NRIP1: variants seen among roughly 807,000 people sequenced by gnomAD.
NRIP1 encodes the protein nuclear receptor-interacting protein 1.
A neutral mutation model predicts 75.0 loss-of-function variants in NRIP1; 28 were observed. The observed-to-expected ratio is 0.37, with a 90% confidence interval of 0.28 to 0.51. NRIP1 has a LOEUF of 0.51. Among genes scored for constraint, NRIP1 ranks in the 20% least tolerant of loss-of-function variants. NRIP1 has a pLI of 0.92. For missense variants in NRIP1, 1,435 were observed against 1,343.7 expected (o/e 1.07, Z -1.06); for synonymous variants, 526 against 487.6 (o/e 1.08, Z -1.04).
intron 1 of NRIP1, among the ~76,000 whole-genome samples, chr21:15,054,182 T>C (rs1400602791): frequency 6.6e-6 from 1 of 152,188 alleles, no homozygotes; most frequent in Non-Finnish European, 1.5e-5. Context: ...CAACTGTTCT[T>C]GATACCCTCT....
intron 3 of NRIP1, among the ~76,000 whole-genome samples, chr21:15,001,635 C>T (rs981783202): frequency 1.3e-5 from 2 of 152,054 alleles, no homozygotes; most frequent in Admixed American, 6.6e-5. Context: ...TTATGCAAAT[C>T]AAGCTAGCAG....
chr21:15,057,039 C>A (rs1226011310), intron 1 of NRIP1, among the ~76,000 whole-genome samples: 1 of 152,164 alleles, frequency 6.6e-6, no homozygotes, highest in African/African-American at 2.4e-5. Context: ...GTCAACTACT[C>A]CTCATCTCTC....
chr21:15,063,832 A>G (rs1039456869), intron 1 of NRIP1, among the ~76,000 whole-genome samples: 3 of 152,216 alleles, frequency 2.0e-5, no homozygotes, highest in African/African-American at 7.2e-5. Flanking sequence ...TACTTCTTTT[A>G]CTACCTTCAG....
chr21:14,973,222 T>A (rs1163481480), intron 3 of NRIP1, among the ~76,000 whole-genome samples: 2 of 148,600 alleles, frequency 1.3e-5, no homozygotes, highest in Admixed American at 1.3e-4. Context: ...TTATGGCGGA[T>A]GAGAAGAACC....
chr21:15,028,996 C>A (rs535934945), intron 2 of NRIP1, among the ~76,000 whole-genome samples: 46 of 152,118 alleles, frequency 3.0e-4, no homozygotes, highest in African/African-American at 1.0e-3. Flanking sequence ...ATCCGAGATG[C>A]CTCTCTTCCT....
intron 2 of NRIP1, among the ~76,000 whole-genome samples, chr21:15,023,160 T>C (rs1033267387): frequency 6.6e-6 from 1 of 152,208 alleles, no homozygotes; most frequent in Admixed American, 6.5e-5. Flanking sequence ...GTTACACACC[T>C]ATGTGAACAT....
At chr21:15,011,738 T>C (rs2088109483) in intron 3 of NRIP1, among the ~76,000 whole-genome samples, 1 of 152,164 alleles carries the variant, frequency 6.6e-6, no homozygotes, top group Non-Finnish European at 1.5e-5. Context: ...CCGAAAATAT[T>C]CTCTGTTTTT....
At chr21:14,978,676 A>C (rs998020036) in intron 3 of NRIP1, among the ~76,000 whole-genome samples, 1 of 152,194 alleles carries the variant, frequency 6.6e-6, no homozygotes, top group African/African-American at 2.4e-5. Flanking sequence ...GGCAAAATAA[A>C]GAAGGGCTTC....
Position 14,964,765 on chromosome 21 carries a change from ACTT to A in NRIP1, c.3425_3427del (p.Glu1142del). The A allele has an allele frequency of 1.9e-6, 3 of 1,583,280 alleles. No individual in the cohort carries two copies. The highest frequency in any genetic ancestry group is 1.4e-5 in the African/African-American group (1 of 73,040). On this transcript the variant is annotated inframe_deletion, in exon 4 of 4. Coordinates refer to ENST00000318948, the MANE Select transcript of NRIP1 (RefSeq NM_003489.4). ...TAGCACGCTTCCCAGAAGTCCATAA[ACTT>A]CTCCATTTGCGCTGTGTGGGCGAGA...
intron 1 of NRIP1, among the ~76,000 whole-genome samples, chr21:15,046,120 A>G (rs1426869062): frequency 6.6e-6 from 1 of 152,164 alleles, no homozygotes; most frequent in Non-Finnish European, 1.5e-5. Flanking sequence ...AATGTTCTCA[A>G]TGGCATCTAG....
chr21:15,059,715 T>C (rs2089382929), intron 1 of NRIP1, among the ~76,000 whole-genome samples: 1 of 152,150 alleles, frequency 6.6e-6, no homozygotes, highest in Admixed American at 6.6e-5. Flanking sequence ...GAACAATCTA[T>C]CTTAAAACTG....
chr21:15,020,563 A>C (rs1351744071), intron 2 of NRIP1, among the ~76,000 whole-genome samples: 2 of 152,204 alleles, frequency 1.3e-5, no homozygotes, highest in Non-Finnish European at 2.9e-5. Flanking sequence ...ACAAAAGCAC[A>C]ATCCATTTAA....
rs2086947278 is a variant in NRIP1 at position 14,973,050 on chromosome 21, T to A, written c.-334-4524A>T. Among the ~76,000 whole-genome samples, 8 of 152,360 alleles carry A rather than the reference T, an allele frequency of 5.3e-5. No individual in the cohort carries two copies. The South Asian group carries it at 1.7e-3, about 32-fold the overall frequency. The stretch of plus-strand genomic sequence containing the variant: ...ATAAAATATTGAATCCTCTGGTTTG[T>A]TATTTTCTTAATTTTGATGGTGATT... On this transcript the variant is annotated intron_variant, in intron 3 of 3. Coordinates refer to ENST00000318948, the MANE Select transcript of NRIP1 (RefSeq NM_003489.4).
At chr21:15,009,280 G>A (rs2088046249) in intron 3 of NRIP1, among the ~76,000 whole-genome samples, 2 of 149,858 alleles carry the variant, frequency 1.3e-5, no homozygotes, top group Non-Finnish European at 3.0e-5. Context: ...TTATTATTCT[G>A]AATTTACCAT....
At chr21:14,986,755 T>C (rs147086777) in intron 3 of NRIP1, among the ~76,000 whole-genome samples, 167 of 152,352 alleles carry the variant, frequency 1.1e-3, no homozygotes, top group African/African-American at 4.0e-3. Flanking sequence ...TTTTATTCAT[T>C]TGAACTAACG....
intron 3 of NRIP1, among the ~76,000 whole-genome samples, chr21:14,980,626 T>TTTTTTTTTTTTTTTTTTG (rs1555881861): frequency 6.6e-6 from 1 of 151,452 alleles, no homozygotes; most frequent in African/African-American, 2.5e-5. Context: ...TCAATGTTCT[T>TTTTTTTTTTTTTTTTTTG]ACTGAAGCAT....
At chr21:15,037,975 T>C (rs2088872325) in intron 2 of NRIP1, among the ~76,000 whole-genome samples, 1 of 152,104 alleles carries the variant, frequency 6.6e-6, no homozygotes, top group Non-Finnish European at 1.5e-5. Flanking sequence ...AAAGCCTGAA[T>C]TTGGAAAATG....
intron 2 of NRIP1, among the ~76,000 whole-genome samples, chr21:15,018,014 C>G (rs2088277393): frequency 6.6e-6 from 1 of 151,990 alleles, no homozygotes; most frequent in Non-Finnish European, 1.5e-5. Flanking sequence ...TAAAGTTTTC[C>G]TATATTAATA....
In NRIP1 at chr21:14,966,128, T is replaced by C. The variant is rs917998729; in HGVS notation, c.2065A>G (p.Ser689Gly). The C allele has an allele frequency of 5.6e-6, 9 of 1,612,744 alleles. No homozygotes were observed. Among genetic ancestry groups the C allele is most frequent in the Non-Finnish European group, 7.6e-6 (9 of 1,179,930 alleles). The change falls in exon 4 of 4, where the codon AGT (serine) becomes GGT (glycine). Residue 689 changes from serine to glycine, a missense_variant. Ser to Gly is a moderately conservative substitution (Grantham distance 56, BLOSUM62 0). Transcript: ENST00000318948. ...CCTGGTTCAGGACCTGTTGGTTGAC[T>C]ACTAAATGCTTTATTTTCTTCAACT... is the stretch of plus-strand genomic sequence containing the variant. The part of the protein sequence containing the change: ...NAVEENKAFS[S>G]QPTGPEPGLS...
Sources: allele counts gnomAD v4.1 joint callset (sites outside exome capture counted in the v4.1 genomes callset), GRCh38; gene constraint gnomAD v4.1.1; transcripts MANE v1.5; gene names NCBI Gene and HGNC (gene_info 2026-07-23, HGNC 2026-07-21).